NAALADL2: variants seen among roughly 807,000 people sequenced by gnomAD.
The protein encoded by NAALADL2 is inactive N-acetylated-alpha-linked acidic dipeptidase-like protein 2.
In NAALADL2, 76 loss-of-function variants were observed where a neutral mutation model predicts 87.2. The ratio of observed to expected loss-of-function variants is 0.87; its 90% CI spans 0.72 to 1.05. The LOEUF (loss-of-function observed/expected upper bound fraction) is 1.05. Ranked by LOEUF, NAALADL2 falls within the 50% of genes least tolerant of loss-of-function variation. The pLI is 0.00. For missense variants in NAALADL2, 1,089 were observed against 945.8 expected, an observed-to-expected ratio of 1.15 and a Z score of -1.99; for synonymous variants, 354 against 331.0, an observed-to-expected ratio of 1.07 and a Z score of -0.75.
At chr3:175,464,247 A>G (rs1309414506) in intron 7 of NAALADL2, among the ~76,000 whole-genome samples, 1 of 152,000 alleles carries the variant, frequency 6.6e-6, no homozygotes, top group Non-Finnish European at 1.5e-5. Context: ...GTCCATTGCC[A>G]AATTTGTCAA....
intron 1 of NAALADL2, among the ~76,000 whole-genome samples, chr3:174,979,304 C>CTTT (rs5854604): frequency 0.065 from 6,839 of 105,014 alleles, 872 homozygotes; most frequent in African/African-American, 0.2. Context: ...TCTTTCTTTT[C>CTTT]TTTTTTTTTT....
At chr3:175,442,837 G>T (rs1461345870) in intron 5 of NAALADL2, among the ~76,000 whole-genome samples, 1 of 152,192 alleles carries the variant, frequency 6.6e-6, no homozygotes, top group South Asian at 2.1e-4. Context: ...TATAAATGCT[G>T]CAAGCTAAAA....
At chr3:175,049,462 G>A (rs977132407) in intron 1 of NAALADL2, among the ~76,000 whole-genome samples, 5 of 152,148 alleles carry the variant, frequency 3.3e-5, no homozygotes, top group Non-Finnish European at 7.4e-5. Flanking sequence ...AAAAATAGAC[G>A]CAGACTTTTC....
chr3:175,338,800 T>C (rs1762296268), intron 5 of NAALADL2, among the ~76,000 whole-genome samples: 1 of 152,096 alleles, frequency 6.6e-6, no homozygotes, highest in Non-Finnish European at 1.5e-5. Context: ...GGATTGGTAC[T>C]ATCCTTTGGC....
intron 1 of NAALADL2, among the ~76,000 whole-genome samples, chr3:174,460,013 CA>C (rs1025396501): frequency 2.0e-5 from 3 of 152,008 alleles, no homozygotes; most frequent in African/African-American, 7.2e-5. Context: ...AAGCTAAACC[CA>C]AAACAGTCTT....
intron 1 of NAALADL2, among the ~76,000 whole-genome samples, chr3:175,094,239 C>T (rs1720712163): frequency 6.6e-6 from 1 of 151,496 alleles, no homozygotes; most frequent in Non-Finnish European, 1.5e-5. Flanking sequence ...ATAAGCTGAA[C>T]AGTTAAAGAA....
chr3:175,493,407 C>T (rs189237069), intron 9 of NAALADL2, among the ~76,000 whole-genome samples: 17 of 152,080 alleles, frequency 1.1e-4, no homozygotes, highest in Non-Finnish European at 2.4e-4. Context: ...TAAAAATGTG[C>T]TCCCCTCTTA....
At chr3:175,685,623 G>C (rs1294589500) in intron 11 of NAALADL2, among the ~76,000 whole-genome samples, 2 of 152,050 alleles carry the variant, frequency 1.3e-5, no homozygotes, top group African/African-American at 4.8e-5. Context: ...GCAAGCTGAA[G>C]ACCCAGGAGA....
chr3:175,741,944 A>T (rs1274433730), intron 12 of NAALADL2, among the ~76,000 whole-genome samples: 2 of 152,222 alleles, frequency 1.3e-5, no homozygotes, highest in African/African-American at 4.8e-5. Flanking sequence ...TTGGTTTGTT[A>T]CAGAAAGGCG....
chr3:175,108,980 A>G (rs1213254724), intron 2 of NAALADL2, among the ~76,000 whole-genome samples: 3 of 151,776 alleles, frequency 2.0e-5, no homozygotes, highest in Non-Finnish European at 2.9e-5. Context: ...ATCTGAGTCA[A>G]TTGCTGCTGG....
chr3:174,872,827 A>G (rs1728008543), intron 1 of NAALADL2, among the ~76,000 whole-genome samples: 1 of 152,120 alleles, frequency 6.6e-6, no homozygotes, highest in Non-Finnish European at 1.5e-5. Context: ...ACCTAATTAA[A>G]GGTATGGTAG....
intron 5 of NAALADL2, among the ~76,000 whole-genome samples, chr3:175,375,093 A>G (rs184604574): frequency 1.7e-3 from 257 of 152,218 alleles, no homozygotes; most frequent in African/African-American, 4.3e-3. Flanking sequence ...TTGCTCATAT[A>G]AGGTTCAGTC....
chr3:174,627,219 T>C (rs551537822), intron 2 of NAALADL2, among the ~76,000 whole-genome samples: 6 of 152,264 alleles, frequency 3.9e-5, no homozygotes, highest in African/African-American at 1.2e-4. Flanking sequence ...AGTGTTCTCC[T>C]AAATAATATT....
chr3:174,957,223 A>G (rs1040174064), intron 1 of NAALADL2, among the ~76,000 whole-genome samples: 1 of 151,992 alleles, frequency 6.6e-6, no homozygotes, highest in African/African-American at 2.4e-5. Context: ...TAGCCAGGAG[A>G]GAACTGCATC....
At chr3:174,918,798 G>C (rs1734756633) in intron 1 of NAALADL2, among the ~76,000 whole-genome samples, 1 of 152,150 alleles carries the variant, frequency 6.6e-6, no homozygotes, top group Admixed American at 6.6e-5. Context: ...TCTACCACTT[G>C]ATGAGAGTAA....
At chr3:175,557,920 C>T (rs1404926834) in intron 9 of NAALADL2, among the ~76,000 whole-genome samples, 6 of 152,048 alleles carry the variant, frequency 3.9e-5, no homozygotes, top group African/African-American at 1.2e-4. Context: ...CAGGGCCGGG[C>T]GCGGTGGCTC....
intron 1 of NAALADL2, among the ~76,000 whole-genome samples, chr3:175,035,925 A>G (rs559073509): frequency 1.3e-5 from 2 of 152,300 alleles, no homozygotes; most frequent in Non-Finnish European, 2.9e-5. Flanking sequence ...CTCTTCTGGC[A>G]TAAGATTTTC....
chr3:174,446,261 T>C (rs1448152174), intron 1 of NAALADL2, among the ~76,000 whole-genome samples: 2 of 152,170 alleles, frequency 1.3e-5, no homozygotes, highest in Admixed American at 6.5e-5. Context: ...TGGTCAGTCA[T>C]GAAAAACTTC....
At chr3:175,530,716 T>C (rs914119852) in intron 9 of NAALADL2, among the ~76,000 whole-genome samples, 1 of 152,154 alleles carries the variant, frequency 6.6e-6, no homozygotes, top group Non-Finnish European at 1.5e-5. Flanking sequence ...AGCCACTTTC[T>C]CATGTAACTT....
Sources: allele counts gnomAD v4.1 joint callset (sites outside exome capture counted in the v4.1 genomes callset), GRCh38; gene constraint gnomAD v4.1.1; transcripts MANE v1.5; gene names NCBI Gene and HGNC (gene_info 2026-07-23, HGNC 2026-07-21).